The following CAST variants were observed in gnomAD, a reference collection of about 807,000 sequenced individuals.
CAST encodes MIR583 host.
Under a neutral mutation model 119.6 loss-of-function variants are expected in CAST, and 76 were observed. That is an observed-to-expected ratio of 0.64 (90% CI 0.53 to 0.77). The LOEUF is 0.77. Ranked by LOEUF, CAST falls within the 30% of genes least tolerant of loss-of-function variation. CAST has a pLI of 0.00. For missense variants in CAST, 953 were observed against 946.5 expected (o/e 1.01, Z -0.09); for synonymous variants, 319 against 331.6 (o/e 0.96, Z 0.41).
intron 1 of CAST, among the ~76,000 whole-genome samples, chr5:96,609,470 A>G (rs927812296): frequency 1.3e-5 from 2 of 152,208 alleles, no homozygotes; most frequent in Non-Finnish European, 2.9e-5. Flanking sequence ...AAATCCAAAT[A>G]TTGATCCAGT....
At chr5:96,070,922 A>C in the CAST span, among the ~76,000 whole-genome samples, 70 of 152,302 alleles carry the variant, frequency 4.6e-4, no homozygotes, top group African/African-American at 1.7e-3. Flanking sequence ...TATAAGGAGA[A>C]TCCAAAGACT....
the CAST span, chr5:96,421,869 T>C: frequency 1.4e-5 from 20 of 1,398,046 alleles, 1 homozygote; most frequent in Admixed American, 2.7e-4. Flanking sequence ...CACAAATGCA[T>C]ATTTACTCAC....
In CAST at chr5:96,680,977, G is replaced by A. The variant is rs117088330; in HGVS notation, c.138+5376G>A. ...CCGAGGCAGTCATGCCTGGCTCACC[G>A]GGATATCTAGCCCCAAGAGGCCAGC... On this transcript the variant is annotated intron_variant, in intron 2 of 31. Transcript: ENST00000675179. 5.9e-5 allele frequency among the ~76,000 whole-genome samples: 9 copies of A among 152,348 alleles called. No homozygotes were observed. In the East Asian group the frequency reaches 1.7e-3, roughly 29 times the overall value.
chr5:96,693,698 A>G (rs766391780), intron 2 of CAST, among the ~76,000 whole-genome samples: 2 of 152,196 alleles, frequency 1.3e-5, no homozygotes, highest in African/African-American at 2.4e-5. Flanking sequence ...CACAGAATCC[A>G]TTTGTACATT....
intron 1 of CAST, among the ~76,000 whole-genome samples, chr5:96,561,429 G>A (rs1746359085): frequency 6.6e-6 from 1 of 151,782 alleles, no homozygotes; most frequent in African/African-American, 2.4e-5. Flanking sequence ...CATGGATGAA[G>A]CTGGAAACCT....
At chr5:96,547,841 G>A (rs969237001) in intron 1 of CAST, among the ~76,000 whole-genome samples, 1 of 152,106 alleles carries the variant, frequency 6.6e-6, no homozygotes, top group Non-Finnish European at 1.5e-5. Context: ...CTATTTGGGA[G>A]GTGGGGTACA....
the CAST span, chr5:96,425,847 A>T: frequency 6.2e-7 from 1 of 1,605,360 alleles, no homozygotes. Flanking sequence ...TCCACATGGG[A>T]TCATTGAAGA....
At chr5:96,542,315 A>AAAG (rs1298859406) in intron 1 of CAST, among the ~76,000 whole-genome samples, 1 of 151,312 alleles carries the variant, frequency 6.6e-6, no homozygotes. Context: ...TCTCAAAAAA[A>AAAG]AAAAAAAAGA....
the CAST span, among the ~76,000 whole-genome samples, chr5:96,291,372 C>T: frequency 4.7e-4 from 72 of 152,338 alleles, no homozygotes; most frequent in African/African-American, 1.7e-3. Flanking sequence ...CTGCTTTTTA[C>T]TTCCCCTTGT....
chr5:96,445,033 T>G, the CAST span, among the ~76,000 whole-genome samples: 1 of 152,128 alleles, frequency 6.6e-6, no homozygotes, highest in Non-Finnish European at 1.5e-5. Flanking sequence ...TTAGTTGGAT[T>G]CCAGAGAGAA....
At chr5:96,076,880 T>C in the CAST span, among the ~76,000 whole-genome samples, 1 of 151,870 alleles carries the variant, frequency 6.6e-6, no homozygotes, top group African/African-American at 2.4e-5. Flanking sequence ...ATTTAAAAGT[T>C]AATTAGTAAT....
chr5:96,617,252 G>A (rs1241617315), intron 1 of CAST, among the ~76,000 whole-genome samples: 1 of 152,012 alleles, frequency 6.6e-6, no homozygotes, highest in African/African-American at 2.4e-5. Flanking sequence ...ACACACAACA[G>A]GGCACACAAC....
At chr5:96,159,708 T>C in the CAST span, among the ~76,000 whole-genome samples, 1 of 152,236 alleles carries the variant, frequency 6.6e-6, no homozygotes, top group Non-Finnish European at 1.5e-5. Context: ...TAGATATACT[T>C]CACTATTTTT....
chr5:96,100,695 G>A, the CAST span, among the ~76,000 whole-genome samples: 1 of 152,126 alleles, frequency 6.6e-6, no homozygotes, highest in African/African-American at 2.4e-5. Context: ...AGGCAAAGAA[G>A]TATAGTAATC....
chr5:96,101,117 C>A, the CAST span, among the ~76,000 whole-genome samples: 3 of 152,090 alleles, frequency 2.0e-5, no homozygotes, highest in African/African-American at 7.2e-5. Flanking sequence ...TGCTTTGTTG[C>A]CCAGGATGGT....
At chr5:96,527,890 T>C (rs1288882574), upstream of CAST, among the ~76,000 whole-genome samples, 1 of 152,010 alleles carries the variant, frequency 6.6e-6, no homozygotes, top group African/African-American at 2.4e-5. Context: ...GAGCTTCATT[T>C]AAACTTACAA....
chr5:95,974,312 A>C, the CAST span, among the ~76,000 whole-genome samples: 2 of 152,034 alleles, frequency 1.3e-5, no homozygotes, highest in South Asian at 4.2e-4. Flanking sequence ...GATTGGGAGA[A>C]TTTTCTTTTT....
the CAST span, among the ~76,000 whole-genome samples, chr5:96,489,686 CAGCTGTCT>C: frequency 6.6e-6 from 1 of 152,132 alleles, no homozygotes; most frequent in Non-Finnish European, 1.5e-5. Flanking sequence ...TCAAAAACCA[CAGCTGTCT>C]AGGGGATGTA....
chr5:96,098,881 G>A, the CAST span, among the ~76,000 whole-genome samples: 1 of 152,152 alleles, frequency 6.6e-6, no homozygotes, highest in Non-Finnish European at 1.5e-5. Context: ...TAGTTTAATA[G>A]GAATAGTGTT....
Sources: gnomAD v4.1 joint callset for allele counts (sites outside exome capture counted in the v4.1 genomes callset) on GRCh38, gnomAD v4.1.1 for gene constraint, MANE v1.5 for transcripts, NCBI Gene and HGNC (gene_info 2026-07-23, HGNC 2026-07-21) for gene names.